The following SYNPR variants were observed in gnomAD, a reference collection of about 807,000 sequenced individuals.
The protein encoded by SYNPR is synaptoporin.
In SYNPR, 23 loss-of-function variants were observed where a neutral mutation model predicts 32.9. That is an observed-to-expected ratio of 0.70 (90% CI 0.50 to 0.99). The LOEUF is 0.99. SYNPR is among the 50% of genes least tolerant of loss of function. The pLI, the probability that SYNPR is intolerant of heterozygous loss-of-function variation, is 0.00. For synonymous variants in SYNPR, 146 were observed against 135.9 expected (o/e 1.07, Z -0.52); for missense variants, 318 against 349.3 (o/e 0.91, Z 0.71).
intron 4 of SYNPR, among the ~76,000 whole-genome samples, chr3:63,583,085 G>A (rs1404775124): frequency 6.6e-6 from 1 of 152,064 alleles, no homozygotes; most frequent in African/African-American, 2.4e-5. Flanking sequence ...GACTGAGGTG[G>A]TTATCTATTG....
At chr3:63,595,735 A>T (rs866400540) in intron 4 of SYNPR, among the ~76,000 whole-genome samples, 4 of 30,196 alleles carry the variant, frequency 1.3e-4, no homozygotes, top group African/African-American at 8.7e-4. Flanking sequence ...ATATATATAT[A>T]TATATATATA....
rs149806188 is a variant in SYNPR at position 63,379,731 on chromosome 3, A to G, written c.84+100989A>G. ...ACTCTAAGTTTTAGGGTACATGTGC[A>G]CAAGGTACAGGTTTGTTACATATGT... On this transcript the variant is annotated intron_variant, in intron 2 of 5. Transcript: ENST00000478300. Among the ~76,000 whole-genome samples the G allele has an allele frequency of 6.6e-3, 998 of 151,880 alleles. 3 individuals carry two copies. The highest frequency in any genetic ancestry group is 0.01 in the Non-Finnish European group (713 of 67,966).
At chr3:63,253,748 A>G (rs2086357704) in intron 2 of SYNPR, among the ~76,000 whole-genome samples, 1 of 152,204 alleles carries the variant, frequency 6.6e-6, no homozygotes, top group Admixed American at 6.5e-5. Flanking sequence ...TCATTGTGGA[A>G]GTCAGTGTGG....
intron 2 of SYNPR, among the ~76,000 whole-genome samples, chr3:63,313,249 C>T (rs942195470): frequency 2.6e-5 from 4 of 151,626 alleles, no homozygotes; most frequent in Non-Finnish European, 5.9e-5. Flanking sequence ...TACTGGGGTA[C>T]GGGTGGTATC....
the SYNPR span, among the ~76,000 whole-genome samples, chr3:63,219,275 A>C: frequency 6.6e-6 from 1 of 152,200 alleles, no homozygotes; most frequent in Admixed American, 6.5e-5. Context: ...TGCGAGCAGG[A>C]AAAGATTTTG....
the SYNPR span, among the ~76,000 whole-genome samples, chr3:63,220,094 T>G: frequency 2.0e-5 from 3 of 152,178 alleles, no homozygotes; most frequent in Middle Eastern, 6.4e-3. Flanking sequence ...CCTGAATCAG[T>G]GCCTGGCACA....
intron 2 of SYNPR, among the ~76,000 whole-genome samples, chr3:63,283,431 G>A (rs956877031): frequency 6.6e-6 from 1 of 152,084 alleles, no homozygotes; most frequent in Non-Finnish European, 1.5e-5. Context: ...TATCTTTTAG[G>A]TCAAAACGGA....
At chr3:63,597,587 C>G (rs527284371) in intron 4 of SYNPR, among the ~76,000 whole-genome samples, 1 of 152,116 alleles carries the variant, frequency 6.6e-6, no homozygotes, top group Non-Finnish European at 1.5e-5. Flanking sequence ...GTTTATTGCT[C>G]GTTCCCACCA....
intron 4 of SYNPR, among the ~76,000 whole-genome samples, chr3:63,601,482 T>A (rs1700041362): frequency 6.6e-6 from 1 of 152,150 alleles, no homozygotes; most frequent in Admixed American, 6.5e-5. Context: ...AGTTTTTTGA[T>A]CCTCACCTTC....
intron 2 of SYNPR, among the ~76,000 whole-genome samples, chr3:63,375,581 G>T (rs2087878933): frequency 6.6e-6 from 1 of 152,136 alleles, no homozygotes; most frequent in African/African-American, 2.4e-5. Context: ...TAGAGTAGGG[G>T]CTGGGGGAGG....
intron 4 of SYNPR, among the ~76,000 whole-genome samples, chr3:63,572,436 A>C (rs549708897): frequency 6.6e-6 from 1 of 152,288 alleles, no homozygotes; most frequent in East Asian, 1.9e-4. Context: ...GACTCTGAGT[A>C]AGGCATTATG....
At chr3:63,291,376 C>T (rs1023503365) in intron 2 of SYNPR, among the ~76,000 whole-genome samples, 2 of 139,260 alleles carry the variant, frequency 1.4e-5, no homozygotes, top group African/African-American at 5.3e-5. Flanking sequence ...ATGAAAGTTC[C>T]CCTCCACTTT....
chr3:63,520,672 C>CAAAAAAAA (rs5849560), intron 3 of SYNPR, among the ~76,000 whole-genome samples: 221 of 142,580 alleles, frequency 1.6e-3, no homozygotes, highest in African/African-American at 5.6e-3. Flanking sequence ...GACTCCATCT[C>CAAAAAAAA]AAAAAAAAAA....
chr3:63,417,586 T>C (rs1261765441), intron 2 of SYNPR, among the ~76,000 whole-genome samples: 1 of 152,250 alleles, frequency 6.6e-6, no homozygotes. Flanking sequence ...TCCATGAGGG[T>C]CCTGCCCCTG....
At chr3:63,567,886 A>G (rs1702819401) in intron 4 of SYNPR, among the ~76,000 whole-genome samples, 1 of 152,208 alleles carries the variant, frequency 6.6e-6, no homozygotes, top group Non-Finnish European at 1.5e-5. Flanking sequence ...GTTCTCAAAT[A>G]TCTAAGAAAC....
chr3:63,300,348 T>TCTATCTATCTATCTATCTATCTATCTAA (rs2086831861), intron 2 of SYNPR, among the ~76,000 whole-genome samples: 1 of 151,898 alleles, frequency 6.6e-6, no homozygotes, highest in Admixed American at 6.6e-5. Context: ...TATCTATCTA[T>TCTATCTATCTATCTATCTATCTATCTAA]CTATCTACCA....
chr3:63,610,994 A>G (rs1700189222), intron 5 of SYNPR, among the ~76,000 whole-genome samples: 1 of 152,318 alleles, frequency 6.6e-6, no homozygotes, highest in East Asian at 1.9e-4. Flanking sequence ...CATATCAGTT[A>G]ACAGTCTTCT....
At chr3:63,266,247 T>C (rs938489302) in intron 2 of SYNPR, among the ~76,000 whole-genome samples, 1 of 131,850 alleles carries the variant, frequency 7.6e-6, no homozygotes, top group African/African-American at 3.3e-5. Flanking sequence ...GATTTCTTTT[T>C]CTATTTTTTT....
chr3:63,491,393 C>A (rs373742835), intron 3 of SYNPR, among the ~76,000 whole-genome samples: 1 of 152,042 alleles, frequency 6.6e-6, no homozygotes, highest in East Asian at 1.9e-4. Context: ...AGGGAAGACA[C>A]CCCTAAGGGT....
Sources: allele counts gnomAD v4.1 joint callset (sites outside exome capture counted in the v4.1 genomes callset), GRCh38; gene constraint gnomAD v4.1.1; transcripts MANE v1.5; gene names NCBI Gene and HGNC (gene_info 2026-07-23, HGNC 2026-07-21).